The following MYO1E variants were observed in gnomAD, a reference collection of about 807,000 sequenced individuals.
MYO1E encodes unconventional myosin-Ie.
Under a neutral mutation model 151.1 loss-of-function variants are expected in MYO1E, and 68 were observed. That is an observed-to-expected ratio of 0.45 (90% CI 0.37 to 0.55). The LOEUF is 0.55. MYO1E is among the 20% of genes least tolerant of loss of function. The pLI is 0.00. For missense variants in MYO1E, 1,363 were observed against 1,389.3 expected (o/e 0.98, Z 0.30); for synonymous variants, 601 against 501.7 (o/e 1.20, Z -2.64).
At chr15:59,163,361 G>T (rs1241740446) in intron 22 of MYO1E, 58 bp from the exon 23 acceptor site, 9 of 1,394,990 alleles carry the variant, frequency 6.5e-6, no homozygotes, top group East Asian at 5.1e-5. Context: ...TTACTCTATT[G>T]TTTTTTTTTT....
At chr15:59,297,884 T>C (rs1388244460) in intron 1 of MYO1E, among the ~76,000 whole-genome samples, 2 of 152,222 alleles carry the variant, frequency 1.3e-5, no homozygotes, top group African/African-American at 4.8e-5. Flanking sequence ...TTGTCTTTTA[T>C]GATGGTGACA....
At chr15:59,338,582 C>G (rs1039279817) in intron 1 of MYO1E, among the ~76,000 whole-genome samples, 1 of 152,174 alleles carries the variant, frequency 6.6e-6, no homozygotes, top group Non-Finnish European at 1.5e-5. Context: ...TCTCTATGGG[C>G]TCTCAGGAGT....
intron 1 of MYO1E, among the ~76,000 whole-genome samples, chr15:59,324,663 G>GC (rs10717159): frequency 5.4e-4 from 80 of 148,074 alleles, no homozygotes; most frequent in African/African-American, 2.0e-3. Context: ...CCCATCCCAA[G>GC]CCCCCCCCCC....
chr15:59,300,934 G>A (rs1379838474), intron 1 of MYO1E, among the ~76,000 whole-genome samples: 2 of 137,818 alleles, frequency 1.5e-5, no homozygotes, highest in Non-Finnish European at 1.5e-5. Context: ...CTGGCACCAT[G>A]CCAGCTCATT....
At chr15:59,303,454 G>A (rs936799981) in intron 1 of MYO1E, among the ~76,000 whole-genome samples, 6 of 152,014 alleles carry the variant, frequency 3.9e-5, no homozygotes, top group African/African-American at 1.5e-4. Flanking sequence ...GCTTGAACCC[G>A]AGGGGCAGAA....
At chr15:59,294,314 C>T (rs1185386279) in intron 1 of MYO1E, among the ~76,000 whole-genome samples, 1 of 152,200 alleles carries the variant, frequency 6.6e-6, no homozygotes, top group African/African-American at 2.4e-5. Context: ...AGATATCCCT[C>T]ATTCTCTGAG....
chr15:59,138,071 C>CT (rs1239841342), intron 27 of MYO1E, 127 bp downstream of exon 27: 1 of 1,168,772 alleles, frequency 8.6e-7, no homozygotes, highest in Non-Finnish European at 1.3e-6. Flanking sequence ...AGCCTGAGGC[C>CT]TGACCTGCCT....
chr15:59,258,478 T>C (rs2080206760), intron 3 of MYO1E, among the ~76,000 whole-genome samples: 1 of 152,268 alleles, frequency 6.6e-6, no homozygotes, highest in Non-Finnish European at 1.5e-5. Flanking sequence ...CACCTTTGAT[T>C]GGCCAAAACT....
intron 1 of MYO1E, among the ~76,000 whole-genome samples, chr15:59,356,216 A>G (rs567356784): frequency 6.6e-6 from 1 of 152,162 alleles, no homozygotes; most frequent in African/African-American, 2.4e-5. Context: ...TTCCAGGGAC[A>G]AGCCACCTGG....
chr15:59,368,223 G>A (rs138285962), intron 1 of MYO1E, among the ~76,000 whole-genome samples: 106 of 152,292 alleles, frequency 7.0e-4, no homozygotes, highest in African/African-American at 2.5e-3. Context: ...TATAACCATG[G>A]CCTAGAATCA....
intron 1 of MYO1E, among the ~76,000 whole-genome samples, chr15:59,348,303 C>A (rs1157067702): frequency 6.6e-6 from 1 of 152,206 alleles, no homozygotes; most frequent in East Asian, 1.9e-4. Context: ...CCCTCCCTAA[C>A]CAAAAACGCC....
At chr15:59,296,169 G>A (rs753049458) in intron 1 of MYO1E, among the ~76,000 whole-genome samples, 51 of 152,180 alleles carry the variant, frequency 3.4e-4, no homozygotes, top group Middle Eastern at 3.2e-3. Context: ...GAGACATCAC[G>A]CTGTGGATAA....
At chr15:59,213,894 T>C (rs749802281) in intron 12 of MYO1E, among the ~76,000 whole-genome samples, 35 of 152,194 alleles carry the variant, frequency 2.3e-4, no homozygotes, top group Non-Finnish European at 4.6e-4. Flanking sequence ...CCAAGTCTTT[T>C]ATTTGGAACA....
In MYO1E at chr15:59,153,462, T is replaced by C. The variant is rs1181874066; in HGVS notation, c.3080+128A>G. 4.0e-6 allele frequency: 4 copies of C among 1,007,742 alleles called. No individual in the cohort carries two copies. The East Asian group carries it at 7.7e-5, about 19-fold the overall frequency. The allele number at this position is 1,007,742 out of a possible 1,614,324, so 62.4% of individuals were successfully genotyped here. On this transcript the variant is annotated intron_variant, in intron 26 of 27. Coordinates refer to ENST00000288235, the MANE Select transcript of MYO1E (RefSeq NM_004998.4). ...CCCCACAGCCTTGGGTCCTGGCATA[T>C]AGCACTGAGGTGGAAAACTAAACCT...
chr15:59,146,693 A>AT (rs1206047681), intron 26 of MYO1E, among the ~76,000 whole-genome samples: 22 of 149,120 alleles, frequency 1.5e-4, no homozygotes, highest in Non-Finnish European at 1.5e-5. Context: ...ATAAAGGCTC[A>AT]TTATATATAT....
At chr15:59,213,633 A>AT (rs55755740) in intron 12 of MYO1E, among the ~76,000 whole-genome samples, 46,471 of 149,558 alleles carry the variant, frequency 0.31, 7,617 homozygotes, top group East Asian at 0.57. Context: ...TAATTATTTT[A>AT]TTTTTTTTGT....
At chr15:59,176,471 T>C (rs1392764164) in intron 19 of MYO1E, among the ~76,000 whole-genome samples, 1 of 151,780 alleles carries the variant, frequency 6.6e-6, no homozygotes, top group Non-Finnish European at 1.5e-5. Flanking sequence ...TTTTTCTTTT[T>C]TTTAGAGAAA....
chr15:59,177,099 C>T (rs1367484190), intron 19 of MYO1E, among the ~76,000 whole-genome samples: 2 of 152,094 alleles, frequency 1.3e-5, no homozygotes, highest in African/African-American at 2.4e-5. Flanking sequence ...TGCATTGTAC[C>T]GATAAATCAC....
rs2080086739 is a variant in MYO1E, at chr15:59,239,414, C to G, written c.333-2742G>C. On this transcript the variant is annotated intron_variant, in intron 4 of 27. Coordinates refer to ENST00000288235, the MANE Select transcript of MYO1E (RefSeq NM_004998.4). ...TTTACACTGTCACATTTAAACTTTA[C>G]TAGAACAAGCTGGGAAAGAGAGAGA... Among the ~76,000 whole-genome samples the G allele has an allele frequency of 2.0e-5, 3 of 151,192 alleles. No homozygotes were observed. The South Asian group carries it at 6.2e-4, about 31-fold the overall frequency.
Sources: gnomAD v4.1 joint callset for allele counts (sites outside exome capture counted in the v4.1 genomes callset) on GRCh38, gnomAD v4.1.1 for gene constraint, MANE v1.5 for transcripts, NCBI Gene and HGNC (gene_info 2026-07-23, HGNC 2026-07-21) for gene names.